Variants in WDR70 observed in about 807,000 individuals in gnomAD.
WDR70 encodes the protein WD repeat-containing protein 70.
In WDR70, 53 loss-of-function variants were observed where a neutral mutation model predicts 88.6. The ratio of observed to expected loss-of-function variants is 0.60; its 90% CI spans 0.48 to 0.75. WDR70 has a LOEUF of 0.75. WDR70 is among the 30% of genes least tolerant of loss of function. The pLI, the probability that WDR70 is intolerant of heterozygous loss-of-function variation, is 0.00. For missense variants in WDR70, 610 were observed against 823.2 expected (o/e 0.74, Z 3.17); for synonymous variants, 280 against 270.0 (o/e 1.04, Z -0.36).
At chr5:37,510,512 G>A (rs895619200) in intron 8 of WDR70, among the ~76,000 whole-genome samples, 1 of 152,154 alleles carries the variant, frequency 6.6e-6, no homozygotes, top group African/African-American at 2.4e-5. Flanking sequence ...TGCCCAGGCT[G>A]GATTAGAATC....
At chr5:37,700,910 C>T in intron 11 of WDR70, 148 bp from the exon 12 acceptor site, 1 of 557,866 alleles carries the variant, frequency 1.8e-6, no homozygotes, top group Non-Finnish European at 3.2e-6. Flanking sequence ...TAGCTTCTTT[C>T]TTCCTTTCTT....
intron 9 of WDR70, among the ~76,000 whole-genome samples, chr5:37,528,907 G>GTTTTTT (rs140383817): frequency 1.5e-5 from 2 of 130,696 alleles, no homozygotes; most frequent in Non-Finnish European, 3.2e-5. Context: ...GTCTAGAGGG[G>GTTTTTT]GTTTTTTTTT....
At chr5:37,401,385 G>A (rs1040638954) in intron 5 of WDR70, among the ~76,000 whole-genome samples, 1 of 147,334 alleles carries the variant, frequency 6.8e-6, no homozygotes, top group African/African-American at 2.5e-5. Context: ...GTGCAATCTC[G>A]GCTCACTGCA....
intron 17 of WDR70, among the ~76,000 whole-genome samples, chr5:37,740,958 T>C (rs1380345839): frequency 1.3e-5 from 2 of 152,214 alleles, no homozygotes; most frequent in Non-Finnish European, 2.9e-5. Context: ...GAGTAACACT[T>C]TGGACATTTT....
intron 10 of WDR70, among the ~76,000 whole-genome samples, chr5:37,692,342 A>C (rs1333336733): frequency 1.3e-5 from 2 of 152,220 alleles, no homozygotes; most frequent in Non-Finnish European, 1.5e-5. Flanking sequence ...ATGGAAAAAG[A>C]GGGAATCCTC....
chr5:37,653,906 A>AT (rs1207215999), intron 10 of WDR70, among the ~76,000 whole-genome samples: 2 of 151,592 alleles, frequency 1.3e-5, no homozygotes, highest in East Asian at 3.9e-4. Context: ...GGATTCATTG[A>AT]TTTTTTTCTT....
In WDR70 at chr5:37,721,183, TA is replaced by T; in HGVS notation, c.1488del (p.Val497SerfsTer29). 1 of 1,613,732 alleles carries T rather than the reference TA, an allele frequency of 6.2e-7. No individual in the cohort carries two copies. The highest frequency in any genetic ancestry group is 8.5e-7 in the Non-Finnish European group (1 of 1,179,730). ...IMVGTGNGLA[K>X]VYYDPNKSQR... is the part of the protein sequence containing the mutation. ...TGGTTGGAACTGGAAATGGATTGGC[TA>T]AAGTCTATTACGACCCCAACAAGAG... On this transcript the variant is annotated frameshift_variant, in exon 14 of 18. Coordinates refer to ENST00000265107, the MANE Select transcript of WDR70 (RefSeq NM_018034.4). LOFTEE classifies it high-confidence loss of function.
chr5:37,436,966 T>A (rs747005291), intron 5 of WDR70, among the ~76,000 whole-genome samples: 6 of 152,132 alleles, frequency 3.9e-5, no homozygotes, highest in Non-Finnish European at 8.8e-5. Flanking sequence ...GTAATGAGAC[T>A]TGAATAAACA....
chr5:37,723,110 A>G, intron 15 of WDR70, 176 bp downstream of exon 15: 1 of 668,480 alleles, frequency 1.5e-6, no homozygotes, highest in Non-Finnish European at 2.6e-6. Context: ...GGCTTCTGTG[A>G]CTCATCACAG....
At chr5:37,473,590 C>T (rs1164819295) in intron 7 of WDR70, among the ~76,000 whole-genome samples, 1 of 152,108 alleles carries the variant, frequency 6.6e-6, no homozygotes, top group Non-Finnish European at 1.5e-5. Context: ...GTGATCTGCC[C>T]GCCTCTGCCT....
Position 37,722,867 on chromosome 5 carries a change from A to G in WDR70, c.1530A>G (p.Leu510=). Residue 510 remains leucine, a synonymous_variant, in exon 15 of 18, where the codon TTA becomes TTG. Transcript: ENST00000265107. ...DPNKSQRGAK[L]CVVKTQRKAK... Reference sequence around the variant, plus strand: ...TTACACCCGTTAGGGGAGCAAAATTATGTGTGGTTAAAACCCAGCGGAAGG... The same window carrying G: ...TTACACCCGTTAGGGGAGCAAAATTGTGTGTGGTTAAAACCCAGCGGAAGG... 1.2e-6 allele frequency: 2 copies of G among 1,613,566 alleles called. No homozygotes were observed. The highest frequency in any genetic ancestry group is 1.1e-5 in the South Asian group (1 of 91,070).
At chr5:37,737,004 A>G (rs1034263193) in intron 17 of WDR70, among the ~76,000 whole-genome samples, 4 of 152,150 alleles carry the variant, frequency 2.6e-5, no homozygotes, top group Non-Finnish European at 5.9e-5. Flanking sequence ...TCCTTTAAAA[A>G]GTAGCAAGCT....
At chr5:37,560,396 G>A (rs1045686250) in intron 9 of WDR70, among the ~76,000 whole-genome samples, 13 of 152,116 alleles carry the variant, frequency 8.5e-5, no homozygotes, top group African/African-American at 3.1e-4. Flanking sequence ...CTGTTAGGAT[G>A]TATCTTATGA....
intron 10 of WDR70, chr5:37,620,173 A>G (rs1744467562): frequency 1.3e-5 from 2 of 152,202 alleles, no homozygotes; most frequent in Admixed American, 6.6e-5. Flanking sequence ...ATCTTAATTC[A>G]GATATAATTT....
chr5:37,581,901 G>T (rs1473022667), intron 9 of WDR70, among the ~76,000 whole-genome samples: 3 of 152,044 alleles, frequency 2.0e-5, no homozygotes, highest in African/African-American at 7.2e-5. Flanking sequence ...ATATTAGGGG[G>T]CATGTCCCTT....
intron 4 of WDR70, among the ~76,000 whole-genome samples, chr5:37,395,306 G>A (rs1026747440): frequency 2.6e-5 from 4 of 152,104 alleles, no homozygotes; most frequent in African/African-American, 7.2e-5. Flanking sequence ...AGTATGCTAT[G>A]CCCTAGACTC....
At chr5:37,614,462 A>G (rs1029019033) in intron 10 of WDR70, among the ~76,000 whole-genome samples, 1 of 152,230 alleles carries the variant, frequency 6.6e-6, no homozygotes, top group Admixed American at 6.5e-5. Context: ...AACAGGTTCC[A>G]GGGACTCAAA....
intron 10 of WDR70, among the ~76,000 whole-genome samples, chr5:37,695,838 A>G (rs1746965320): frequency 6.6e-6 from 1 of 152,090 alleles, no homozygotes; most frequent in Non-Finnish European, 1.5e-5. Context: ...ACATCACACT[A>G]GGGGGCAGAG....
intron 10 of WDR70, among the ~76,000 whole-genome samples, chr5:37,652,555 A>C (rs1745438719): frequency 6.6e-6 from 1 of 152,180 alleles, no homozygotes; most frequent in East Asian, 1.9e-4. Context: ...CACGACATTG[A>C]TTCTTCCTGT....
Sources: allele counts gnomAD v4.1 joint callset (sites outside exome capture counted in the v4.1 genomes callset), GRCh38; gene constraint gnomAD v4.1.1; transcripts MANE v1.5; gene names NCBI Gene and HGNC (gene_info 2026-07-23, HGNC 2026-07-21).